The following FNDC3A variants were observed in gnomAD, a reference collection of about 807,000 sequenced individuals.
FNDC3A encodes fibronectin type III domain containing 3A, also known as fibronectin type-III domain-containing protein 3A.
A neutral mutation model predicts 148.9 loss-of-function variants in FNDC3A; 32 were observed. That is an observed-to-expected ratio of 0.21 (90% confidence interval 0.16 to 0.29). The LOEUF (loss-of-function observed/expected upper bound fraction) is 0.29, where lower values mean the gene tolerates loss of function less well. Ranked by LOEUF, FNDC3A falls within the 10% of genes least tolerant of loss-of-function variation. The probability of loss-of-function intolerance (pLI) is 1.00; values close to 1 mark genes in which losing one functional copy is unlikely to be tolerated. For synonymous variants in FNDC3A, 472 were observed against 473.6 expected, an observed-to-expected ratio of 1.00 and a Z score of 0.04; for missense variants, 1,191 against 1,452.8, an observed-to-expected ratio of 0.82 and a Z score of 2.93.
intron 2 of FNDC3A, among the ~76,000 whole-genome samples, chr13:49,034,056 A>G (rs1374512704): frequency 6.6e-6 from 1 of 152,010 alleles, no homozygotes; most frequent in African/African-American, 2.4e-5. Context: ...TTATTGCTAA[A>G]ATAATTATAT....
At chr13:49,144,704 G>A (rs543420584) in intron 7 of FNDC3A, among the ~76,000 whole-genome samples, 100 of 152,096 alleles carry the variant, frequency 6.6e-4, no homozygotes, top group African/African-American at 2.3e-3. Flanking sequence ...GAAACCACAT[G>A]TTTTTTTCTG....
At chr13:49,071,492 C>T (rs770292424) in intron 2 of FNDC3A, among the ~76,000 whole-genome samples, 7 of 152,136 alleles carry the variant, frequency 4.6e-5, no homozygotes, top group Non-Finnish European at 8.8e-5. Flanking sequence ...ACATTCCTAC[C>T]AACAGTGTAA....
intron 17 of FNDC3A, among the ~76,000 whole-genome samples, chr13:49,190,139 G>C (rs775895758): frequency 1.3e-5 from 2 of 152,172 alleles, no homozygotes; most frequent in Non-Finnish European, 2.9e-5. Context: ...ACCCGCCTCA[G>C]CCTCCCAAAG....
At chr13:49,009,385 TC>T (rs1444655170) in intron 2 of FNDC3A, among the ~76,000 whole-genome samples, 7 of 152,240 alleles carry the variant, frequency 4.6e-5, no homozygotes, top group Non-Finnish European at 1.0e-4. Context: ...CTTGGTCACT[TC>T]CAGCTTTAGG....
intron 8 of FNDC3A, among the ~76,000 whole-genome samples, chr13:49,155,241 T>A (rs1442997178): frequency 6.6e-6 from 1 of 152,146 alleles, no homozygotes; most frequent in Admixed American, 6.5e-5. Flanking sequence ...CCTGGTTTAG[T>A]CTTGGGAGAT....
At chr13:49,034,216 A>G (rs1874333782) in intron 2 of FNDC3A, among the ~76,000 whole-genome samples, 1 of 152,076 alleles carries the variant, frequency 6.6e-6, no homozygotes, top group African/African-American at 2.4e-5. Flanking sequence ...TTGTGAAATT[A>G]TAAATCTGGA....
intron 1 of FNDC3A, among the ~76,000 whole-genome samples, chr13:49,003,829 T>C (rs1026598368): frequency 2.0e-5 from 3 of 152,208 alleles, no homozygotes; most frequent in Admixed American, 2.0e-4. Context: ...TGCAACTGTT[T>C]ATTTAATGTA....
chr13:49,152,401 C>T lies in FNDC3A; in HGVS notation c.977+6466C>T, dbSNP rs188353552. ...TTTTGAGAAATGTCTTCATATCCTT[C>T]GCCCACTTTTTCATGGGGTTGATTT... is the stretch of plus-strand genomic sequence containing the variant. On this transcript the variant is annotated intron_variant, in intron 8 of 25. Coordinates refer to ENST00000492622, the MANE Select transcript of FNDC3A (RefSeq NM_001079673.2). 2.7e-3 allele frequency among the ~76,000 whole-genome samples: 417 copies of T among 152,166 alleles called. 1 individual carries two copies. The highest frequency in any genetic ancestry group is 0.01 in the Middle Eastern group (3 of 294).
intron 19 of FNDC3A, among the ~76,000 whole-genome samples, chr13:49,193,269 CAG>C (rs1197449601): frequency 6.6e-6 from 1 of 151,988 alleles, no homozygotes; most frequent in Admixed American, 6.6e-5. Flanking sequence ...GACAGATAGA[CAG>C]ACTTTTTTTT....
chr13:49,167,645 G>A (rs1415690792), intron 9 of FNDC3A, among the ~76,000 whole-genome samples: 1 of 152,026 alleles, frequency 6.6e-6, no homozygotes, highest in Non-Finnish European at 1.5e-5. Flanking sequence ...GGTTAAGACT[G>A]CAGTGAGCCA....
chr13:48,989,911 C>A (rs773048599), intron 1 of FNDC3A, among the ~76,000 whole-genome samples: 1 of 151,944 alleles, frequency 6.6e-6, no homozygotes, highest in African/African-American at 2.4e-5. Context: ...GCCACCATGC[C>A]CAGCTAATTT....
chr13:49,016,590 T>C (rs1202944919), intron 2 of FNDC3A, among the ~76,000 whole-genome samples: 1 of 152,200 alleles, frequency 6.6e-6, no homozygotes, highest in Non-Finnish European at 1.5e-5. Flanking sequence ...GTTTTGTGTG[T>C]CTCTATTTCC....
At chr13:49,036,237 A>C (rs1221404097) in intron 2 of FNDC3A, among the ~76,000 whole-genome samples, 2 of 152,328 alleles carry the variant, frequency 1.3e-5, no homozygotes, top group East Asian at 3.9e-4. Context: ...TGGAATTTTA[A>C]AGTTTGGGGC....
chr13:49,121,610 TAAAG>T (rs1210606708), intron 4 of FNDC3A, among the ~76,000 whole-genome samples: 2 of 152,018 alleles, frequency 1.3e-5, no homozygotes, highest in African/African-American at 2.4e-5. Flanking sequence ...GCTGGACTGT[TAAAG>T]AAGAAAAGAG....
At position 49,009,109 on chromosome 13, in the gene FNDC3A, A is replaced by G. The variant is rs1341083880; in HGVS notation, c.99+2820A>G. Among the ~76,000 whole-genome samples the G allele has an allele frequency of 2.6e-5, 4 of 152,266 alleles. No individual in the cohort carries two copies. The East Asian group carries it at 5.8e-4, about 22-fold the overall frequency. On this transcript the variant is annotated intron_variant, in intron 2 of 25. Transcript: ENST00000492622. ...ACAGAATAATTTCACCGCCCTAAAA[A>G]TCCCGTGCTTCACCTTTTCATTCTT...
intron 3 of FNDC3A, among the ~76,000 whole-genome samples, chr13:49,087,216 G>T (rs951894824): frequency 6.6e-6 from 1 of 152,000 alleles, no homozygotes; most frequent in Non-Finnish European, 1.5e-5. Flanking sequence ...CAAAAATATT[G>T]ATTAAAAAAA....
At chr13:49,058,708 A>G (rs779959691) in intron 2 of FNDC3A, among the ~76,000 whole-genome samples, 3 of 152,210 alleles carry the variant, frequency 2.0e-5, no homozygotes, top group Non-Finnish European at 4.4e-5. Context: ...ATATTGTTTA[A>G]GTCACCCAAC....
At chr13:49,153,346 G>A (rs966351715) in intron 8 of FNDC3A, among the ~76,000 whole-genome samples, 181 of 151,996 alleles carry the variant, frequency 1.2e-3, no homozygotes, top group African/African-American at 3.6e-3. Flanking sequence ...CATGTCCTTC[G>A]CCCACTTTTT....
At chr13:49,185,666 C>G (rs1447548750) in intron 14 of FNDC3A, among the ~76,000 whole-genome samples, 1 of 152,080 alleles carries the variant, frequency 6.6e-6, no homozygotes, top group African/African-American at 2.4e-5. Flanking sequence ...AGCCTAAAGC[C>G]CATGAAGAAT....
Sources: gnomAD v4.1 joint callset for allele counts (sites outside exome capture counted in the v4.1 genomes callset) on GRCh38, gnomAD v4.1.1 for gene constraint, MANE v1.5 for transcripts, NCBI Gene and HGNC (gene_info 2026-07-23, HGNC 2026-07-21) for gene names.